Variants in SHISA9 observed in about 807,000 individuals in gnomAD.
The protein encoded by SHISA9 is protein shisa-9.
Under a neutral mutation model 38.0 loss-of-function variants are expected in SHISA9, and 13 were observed. That is an observed-to-expected ratio of 0.34 (90% CI 0.22 to 0.54). The LOEUF (loss-of-function observed/expected upper bound fraction) is 0.54. Among genes scored for constraint, SHISA9 ranks in the 20% least tolerant of loss-of-function variants. The pLI, the probability that SHISA9 is intolerant of heterozygous loss-of-function variation, is 0.91. For synonymous variants in SHISA9, 275 were observed against 242.0 expected, an observed-to-expected ratio of 1.14 and a Z score of -1.27; for missense variants, 538 against 575.8, an observed-to-expected ratio of 0.93 and a Z score of 0.67.
At chr16:13,007,845 T>C (rs74734997) in intron 2 of SHISA9, among the ~76,000 whole-genome samples, 3,723 of 152,340 alleles carry the variant, frequency 0.024, 94 homozygotes, top group African/African-American at 0.064. Flanking sequence ...TTCTCTCCTC[T>C]TGCACTTGTT....
At chr16:13,291,798 G>A in the SHISA9 span, among the ~76,000 whole-genome samples, 1 of 151,996 alleles carries the variant, frequency 6.6e-6, no homozygotes, top group East Asian at 1.9e-4. Flanking sequence ...CAGAAATAAG[G>A]CTTAAAAAAG....
At chr16:13,433,499 A>G in the SHISA9 span, among the ~76,000 whole-genome samples, 1 of 149,956 alleles carries the variant, frequency 6.7e-6, no homozygotes, top group Non-Finnish European at 1.5e-5. Context: ...AACTGCTATT[A>G]TCCTTATTTC....
At chr16:13,507,698 A>G in the SHISA9 span, among the ~76,000 whole-genome samples, 4 of 152,184 alleles carry the variant, frequency 2.6e-5, no homozygotes, top group African/African-American at 9.6e-5. Flanking sequence ...ACACAGTGAG[A>G]GGAGACAGTT....
chr16:13,267,770 T>C, the SHISA9 span, among the ~76,000 whole-genome samples: 1 of 152,182 alleles, frequency 6.6e-6, no homozygotes, highest in African/African-American at 2.4e-5. Context: ...GAATAGTGCT[T>C]ACATTTCTGT....
rs1279461860 is a variant in SHISA9 at position 12,910,564 on chromosome 16, C to G, written c.564-6124C>G. Reference sequence around the variant, plus strand: ...GGTTCTAGTACTAGCTTTCAGTACTCTCTTGTGAAATTTTCAATATTCAGT... The same window carrying G: ...GGTTCTAGTACTAGCTTTCAGTACTGTCTTGTGAAATTTTCAATATTCAGT... On this transcript the variant is annotated intron_variant, in intron 1 of 4. Transcript: ENST00000558583. The G allele has an allele frequency of 7.1e-6, 7 of 985,322 alleles. 1 individual carries two copies. Among genetic ancestry groups the G allele is most frequent in the African/African-American group, 7.0e-5 (4 of 57,336 alleles). The allele number at this position is 985,322 out of a possible 1,614,324, so 61.0% of individuals were successfully genotyped here. A position where few individuals can be genotyped will look rare whatever the true frequency, so the allele number is the denominator to read the frequency against.
In SHISA9 at chr16:12,902,520, G is replaced by A; in HGVS notation, c.456G>A (p.Leu152=). 1 of 1,551,546 alleles carries A rather than the reference G, an allele frequency of 6.4e-7. No homozygotes were observed. The highest frequency in any genetic ancestry group is 1.7e-4 in the Middle Eastern group (1 of 5,992). The part of the protein sequence containing the change: ...LHDPTKDKTN[L]IVYIICGVVA... Reference sequence around the variant, plus strand: ...ACCCCACCAAGGACAAGACCAACCTGATCGTCTACATCATCTGCGGGGTGG... The same window carrying A: ...ACCCCACCAAGGACAAGACCAACCTAATCGTCTACATCATCTGCGGGGTGG... Residue 152 remains leucine, a synonymous_variant, in exon 1 of 5, where the codon CTG becomes CTA. Transcript: ENST00000558583.
At chr16:13,292,262 T>TTGC in the SHISA9 span, among the ~76,000 whole-genome samples, 10 of 151,850 alleles carry the variant, frequency 6.6e-5, no homozygotes, top group Non-Finnish European at 1.5e-4. Flanking sequence ...GTCTTGACTA[T>TTGC]TGCTTTTAAA....
At chr16:13,120,632 G>C (rs1202131486) in intron 2 of SHISA9, among the ~76,000 whole-genome samples, 2 of 152,208 alleles carry the variant, frequency 1.3e-5, no homozygotes, top group Admixed American at 1.3e-4. Context: ...ACAGGAAAAT[G>C]CTGAGAGAGA....
chr16:13,092,520 C>G (rs1390309769), intron 2 of SHISA9, among the ~76,000 whole-genome samples: 1 of 152,232 alleles, frequency 6.6e-6, no homozygotes, highest in African/African-American at 2.4e-5. Flanking sequence ...ACTCAAGCCT[C>G]AGCAATTGTG....
intron 2 of SHISA9, among the ~76,000 whole-genome samples, chr16:13,010,527 A>AG: frequency 6.6e-6 from 1 of 152,364 alleles, no homozygotes; most frequent in African/African-American, 2.4e-5. Context: ...TCAGGTACAT[A>AG]GAATCATAAA....
the SHISA9 span, among the ~76,000 whole-genome samples, chr16:13,469,435 G>GAAAGAGAAAA: frequency 8.0e-6 from 1 of 124,486 alleles, no homozygotes; most frequent in African/African-American, 3.1e-5. Context: ...AAGAAAGAAA[G>GAAAGAGAAAA]AGAAAGAAAG....
the SHISA9 span, among the ~76,000 whole-genome samples, chr16:13,398,502 A>ATTTTT: frequency 5.6e-4 from 78 of 140,320 alleles, no homozygotes; most frequent in African/African-American, 1.9e-3. Flanking sequence ...TTTATTCACC[A>ATTTTT]TTTTTTTTTT....
the SHISA9 span, among the ~76,000 whole-genome samples, chr16:13,546,127 A>G: frequency 6.6e-6 from 1 of 152,168 alleles, no homozygotes; most frequent in East Asian, 1.9e-4. Flanking sequence ...TTGTCCTATA[A>G]GAAAGGAAAT....
the SHISA9 span, among the ~76,000 whole-genome samples, chr16:13,249,716 T>C: frequency 1.3e-5 from 2 of 152,210 alleles, no homozygotes; most frequent in East Asian, 3.9e-4. Context: ...CTCCTTCACT[T>C]GATCTCCACC....
At chr16:13,210,067 C>T (rs985125501) in intron 3 of SHISA9, among the ~76,000 whole-genome samples, 1 of 152,168 alleles carries the variant, frequency 6.6e-6, no homozygotes, top group African/African-American at 2.4e-5. Context: ...CACCACTGCA[C>T]TCCAGTCTGG....
chr16:13,451,391 C>G, the SHISA9 span, among the ~76,000 whole-genome samples: 1 of 152,220 alleles, frequency 6.6e-6, no homozygotes, highest in Non-Finnish European at 1.5e-5. Context: ...AGGTACCTAT[C>G]TATGCAACCT....
Position 12,970,380 on chromosome 16 carries a change from T to C in SHISA9, c.691+53565T>C, listed in dbSNP as rs1428286177. On this transcript the variant is annotated intron_variant, in intron 2 of 4. Transcript: ENST00000558583. ...ATATATATATATATACATATATATA[T>C]ACATATATGTATATATATATATACA... is the stretch of plus-strand genomic sequence containing the variant. Among the ~76,000 whole-genome samples the C allele has an allele frequency of 1.4e-3, 96 of 67,912 alleles. 1 individual carries two copies. The highest frequency in any genetic ancestry group is 3.9e-3 in the Admixed American group (18 of 4,576). 44.6% of individuals were successfully genotyped at this position (67,912 alleles called of 152,430 possible).
the SHISA9 span, among the ~76,000 whole-genome samples, chr16:13,304,740 C>G: frequency 6.6e-6 from 1 of 152,182 alleles, no homozygotes; most frequent in Admixed American, 6.5e-5. Flanking sequence ...AGATGGAAAA[C>G]TGATTCGTAG....
chr16:13,113,659 A>G (rs963218387), intron 2 of SHISA9, among the ~76,000 whole-genome samples: 1 of 152,170 alleles, frequency 6.6e-6, no homozygotes, highest in Non-Finnish European at 1.5e-5. Flanking sequence ...TGTGCTTAAT[A>G]TTCAGTTGCT....
Sources: gnomAD v4.1 joint callset for allele counts (sites outside exome capture counted in the v4.1 genomes callset) on GRCh38, gnomAD v4.1.1 for gene constraint, MANE v1.5 for transcripts, NCBI Gene and HGNC (gene_info 2026-07-23, HGNC 2026-07-21) for gene names.